Variants in ARSB observed in about 807,000 individuals in gnomAD.
ARSB encodes the protein arylsulfatase B.
A neutral mutation model predicts 50.9 loss-of-function variants in ARSB; 41 were observed. The ratio of observed to expected loss-of-function variants is 0.81; its 90% CI spans 0.63 to 1.04. The LOEUF (loss-of-function observed/expected upper bound fraction) is 1.04. Ranked by LOEUF, ARSB falls within the 50% of genes least tolerant of loss-of-function variation. The pLI is 0.00. For missense variants in ARSB, 672 were observed against 693.3 expected (o/e 0.97, Z 0.35); for synonymous variants, 269 against 284.8 (o/e 0.94, Z 0.56).
At chr5:78,910,393 C>A (rs1749256360) in intron 4 of ARSB, among the ~76,000 whole-genome samples, 1 of 152,140 alleles carries the variant, frequency 6.6e-6, no homozygotes, top group Non-Finnish European at 1.5e-5. Context: ...TCTGAAGGTC[C>A]AATAAAAATA....
At chr5:78,795,257 G>T (rs1743136816) in intron 6 of ARSB, among the ~76,000 whole-genome samples, 1 of 152,212 alleles carries the variant, frequency 6.6e-6, no homozygotes, top group African/African-American at 2.4e-5. Flanking sequence ...TGTCCACCTT[G>T]GTTCATCTTT....
chr5:78,900,689 T>C (rs73769410), intron 4 of ARSB, among the ~76,000 whole-genome samples: 5,780 of 152,228 alleles, frequency 0.038, 363 homozygotes, highest in African/African-American at 0.13. Context: ...GGCTTGCTTC[T>C]ATACTACCAT....
chr5:78,977,181 T>G (rs1240474282), intron 1 of ARSB, among the ~76,000 whole-genome samples: 1 of 143,310 alleles, frequency 7.0e-6, no homozygotes, highest in African/African-American at 2.8e-5. Flanking sequence ...CGAGATGGAG[T>G]CTTGCTCTGT....
intron 4 of ARSB, among the ~76,000 whole-genome samples, chr5:78,896,229 A>G (rs1748552036): frequency 6.6e-6 from 1 of 152,150 alleles, no homozygotes; most frequent in South Asian, 2.1e-4. Context: ...CTCCGCAGGC[A>G]AGGAGGTCGC....
intron 5 of ARSB, among the ~76,000 whole-genome samples, chr5:78,861,839 G>T (rs1321601616): frequency 6.6e-6 from 1 of 152,178 alleles, no homozygotes; most frequent in Non-Finnish European, 1.5e-5. Flanking sequence ...GTTTGCACAT[G>T]ACATGATTGT....
At chr5:78,838,111 C>T (rs1745029064) in intron 6 of ARSB, among the ~76,000 whole-genome samples, 1 of 152,160 alleles carries the variant, frequency 6.6e-6, no homozygotes, top group South Asian at 2.1e-4. Context: ...ACAGGAGATG[C>T]TGACTTCCAG....
chr5:78,808,803 TGATGCTGGAG>T (rs1359604170), intron 6 of ARSB, among the ~76,000 whole-genome samples: 1 of 152,294 alleles, frequency 6.6e-6, no homozygotes. Flanking sequence ...CTGTTTGCAG[TGATGCTGGAG>T]GGACACAGGA....
chr5:78,967,619 G>A (rs1752260385), intron 2 of ARSB, among the ~76,000 whole-genome samples: 1 of 150,866 alleles, frequency 6.6e-6, no homozygotes, highest in African/African-American at 2.4e-5. Context: ...GTTGCAGTGA[G>A]CCGAGATCAT....
chr5:78,784,886 C>T (rs1749036322), intron 6 of ARSB, among the ~76,000 whole-genome samples: 1 of 151,216 alleles, frequency 6.6e-6, no homozygotes. Flanking sequence ...GCAACCTCTG[C>T]CTCTGGAGTT....
intron 4 of ARSB, among the ~76,000 whole-genome samples, chr5:78,923,320 C>T (rs1484484180): frequency 6.6e-6 from 1 of 152,200 alleles, no homozygotes; most frequent in Non-Finnish European, 1.5e-5. Flanking sequence ...TGACTCCCAG[C>T]ACACCTGGGT....
chr5:78,909,819 G>C (rs141194671), intron 4 of ARSB, among the ~76,000 whole-genome samples: 3,766 of 152,262 alleles, frequency 0.025, 151 homozygotes, highest in African/African-American at 0.085. Context: ...TAGCAAAAGA[G>C]GAAGGCCTCT....
At chr5:78,863,571 C>G (rs1290003430) in intron 5 of ARSB, among the ~76,000 whole-genome samples, 1 of 134,664 alleles carries the variant, frequency 7.4e-6, no homozygotes, top group Non-Finnish European at 1.5e-5. Flanking sequence ...GACACTTGGA[C>G]ACGGGGCGGG....
intron 4 of ARSB, among the ~76,000 whole-genome samples, chr5:78,923,523 G>A (rs1749919328): frequency 6.6e-6 from 1 of 152,178 alleles, no homozygotes; most frequent in Non-Finnish European, 1.5e-5. Flanking sequence ...TAGTAAGTGT[G>A]GTTTCTAAAT....
intron 6 of ARSB, among the ~76,000 whole-genome samples, chr5:78,815,270 C>T (rs1461678184): frequency 6.6e-6 from 1 of 150,856 alleles, no homozygotes; most frequent in Non-Finnish European, 1.5e-5. Flanking sequence ...CCCTTCTCCA[C>T]CCTTCCCTGT....
At chr5:78,886,130 A>C (rs1304002172) in intron 4 of ARSB, among the ~76,000 whole-genome samples, 1 of 152,088 alleles carries the variant, frequency 6.6e-6, no homozygotes, top group Non-Finnish European at 1.5e-5. Flanking sequence ...AATCCACTAA[A>C]CTTTAAATAC....
intron 4 of ARSB, among the ~76,000 whole-genome samples, chr5:78,945,751 C>T (rs1406687572): frequency 6.6e-6 from 1 of 152,170 alleles, no homozygotes; most frequent in South Asian, 2.1e-4. Context: ...TGCAGACCCC[C>T]CTCCAGGACT....
intron 5 of ARSB, among the ~76,000 whole-genome samples, chr5:78,862,297 G>A (rs1360261263): frequency 9.9e-5 from 15 of 152,104 alleles, no homozygotes; most frequent in East Asian, 3.9e-4. Context: ...AAAAAAGCCC[G>A]CGTTGCCAAG....
At chr5:78,794,869 C>T (rs563692775) in intron 6 of ARSB, among the ~76,000 whole-genome samples, 1 of 152,298 alleles carries the variant, frequency 6.6e-6, no homozygotes, top group East Asian at 1.9e-4. Context: ...TGCCTCTTCA[C>T]TTTTACCAGA....
Position 78,782,777 on chromosome 5 carries a change from T to C in ARSB, c.1214-803A>G, listed in dbSNP as rs1748963513. ...CAGATCTGTAGCAGAGAGATCTTGT[T>C]TGTAACTGACCCTTGACTTAGAAAG... On this transcript the variant is annotated intron_variant, in intron 6 of 7. Transcript: ENST00000264914. Among the ~76,000 whole-genome samples the C allele has an allele frequency of 2.0e-5, 3 of 152,336 alleles. No individual in the cohort carries two copies. In the South Asian group the frequency reaches 6.2e-4, roughly 32 times the overall value.
Sources: gnomAD v4.1 joint callset for allele counts (sites outside exome capture counted in the v4.1 genomes callset) on GRCh38, gnomAD v4.1.1 for gene constraint, MANE v1.5 for transcripts, NCBI Gene and HGNC (gene_info 2026-07-23, HGNC 2026-07-21) for gene names.